Variants in CNBD1 observed in about 807,000 individuals in gnomAD.
The protein encoded by CNBD1 is cyclic nucleotide-binding domain-containing protein 1.
CNBD1 carries 71 observed loss-of-function variants against 54.4 expected under a neutral mutation model. The ratio of observed to expected loss-of-function variants is 1.30; its 90% CI spans 1.08 to 1.59. The LOEUF (loss-of-function observed/expected upper bound fraction) is 1.59. CNBD1 is among the 40% of genes most tolerant of loss of function. The probability of loss-of-function intolerance (pLI) is 0.00; values close to 1 mark genes in which losing one functional copy is unlikely to be tolerated. For synonymous variants in CNBD1, 182 were observed against 170.7 expected, an observed-to-expected ratio of 1.07 and a Z score of -0.51; for missense variants, 659 against 518.0, an observed-to-expected ratio of 1.27 and a Z score of -2.64.
At chr8:87,137,186 C>G (rs1292175741) in intron 4 of CNBD1, among the ~76,000 whole-genome samples, 1 of 136,710 alleles carries the variant, frequency 7.3e-6, no homozygotes, top group South Asian at 2.2e-4. Context: ...TATTTTTATT[C>G]TATATAAATT....
chr8:87,197,559 A>C (rs1413116582), intron 4 of CNBD1, among the ~76,000 whole-genome samples: 1 of 152,174 alleles, frequency 6.6e-6, no homozygotes, highest in Non-Finnish European at 1.5e-5. Flanking sequence ...GGGTGTTTCT[A>C]GCACTTCTGT....
At chr8:87,058,241 AC>A (rs1390832546) in intron 4 of CNBD1, among the ~76,000 whole-genome samples, 8 of 152,218 alleles carry the variant, frequency 5.3e-5, no homozygotes, top group African/African-American at 1.7e-4. Flanking sequence ...GGGCAGCTCC[AC>A]CCCTGTTGCT....
At chr8:87,378,130 T>G (rs1810990465) in intron 10 of CNBD1, among the ~76,000 whole-genome samples, 5 of 142,892 alleles carry the variant, frequency 3.5e-5, no homozygotes, top group African/African-American at 1.3e-4. Context: ...GGTAGTTTCT[T>G]TTGCTGTGCA....
At chr8:87,022,411 T>A (rs2453448) in intron 4 of CNBD1, among the ~76,000 whole-genome samples, 55,797 of 152,054 alleles carry the variant, frequency 0.37, 10,542 homozygotes, top group East Asian at 0.55. Flanking sequence ...CATGAAATAT[T>A]TAGCAGTCAT....
intron 4 of CNBD1, among the ~76,000 whole-genome samples, chr8:86,987,773 TC>T (rs1206937766): frequency 6.6e-6 from 1 of 152,198 alleles, no homozygotes; most frequent in Non-Finnish European, 1.5e-5. Flanking sequence ...TTCTTTTAAT[TC>T]TGTTTATGTT....
At chr8:87,073,863 A>G (rs1810809566) in intron 4 of CNBD1, among the ~76,000 whole-genome samples, 1 of 151,978 alleles carries the variant, frequency 6.6e-6, no homozygotes, top group African/African-American at 2.4e-5. Context: ...GCACTTTGGG[A>G]GGCTGAGGTG....
At chr8:86,925,503 G>GTGTA (rs1809343654) in intron 3 of CNBD1, among the ~76,000 whole-genome samples, 1 of 151,014 alleles carries the variant, frequency 6.6e-6, no homozygotes, top group African/African-American at 2.4e-5. Context: ...GTGTGTGTGT[G>GTGTA]TGTGTGTGTG....
rs566123866 is a variant in CNBD1, at chr8:87,426,362, A to T, written c.214-2184A>T. Among the ~76,000 whole-genome samples, 31 of 152,248 alleles carry T rather than the reference A, an allele frequency of 2.0e-4. 1 individual carries two copies. The highest frequency in any genetic ancestry group is 7.2e-4 in the African/African-American group (30 of 41,558). On this transcript the variant is annotated intron_variant, in intron 2 of 7. Coordinates refer to the CNBD1 transcript ENST00000521593. ...TCTTCCCTGTTTGCTTGATTTTCTA[A>T]ATTATTAAATGCAACATCATGATCG...
intron 8 of CNBD1, among the ~76,000 whole-genome samples, chr8:87,303,475 C>T (rs1809061878): frequency 6.6e-6 from 1 of 151,830 alleles, no homozygotes; most frequent in African/African-American, 2.4e-5. Flanking sequence ...ACACCTTATA[C>T]AAAAATTAAT....
rs531263112 is a variant in CNBD1, at chr8:87,176,877, T to C, written c.432-29116T>C. On this transcript the variant is annotated intron_variant, in intron 4 of 10. Transcript: ENST00000518476. Reference sequence around the variant, plus strand: ...TTATGAAAGTAAATCAAGATAACTATAAACAATAGTCATTTAAATAGAATA... The same window carrying C: ...TTATGAAAGTAAATCAAGATAACTACAAACAATAGTCATTTAAATAGAATA... 3.9e-5 allele frequency among the ~76,000 whole-genome samples: 6 copies of C among 152,306 alleles called. No individual in the cohort carries two copies. In the South Asian group the frequency reaches 1.0e-3, roughly 26 times the overall value.
Position 87,108,460 on chromosome 8 carries a change from T to A in CNBD1, c.432-97533T>A, listed in dbSNP as rs1034158524. ...AAAGTATACAAGTTACTAGGTCCAA[T>A]GTGGGAGATTATAAATTAGTGAATC... On this transcript the variant is annotated intron_variant, in intron 4 of 10. Coordinates refer to ENST00000518476, the MANE Select transcript of CNBD1 (RefSeq NM_173538.3). 6.0e-4 allele frequency among the ~76,000 whole-genome samples: 91 copies of A among 152,136 alleles called. 1 individual carries two copies. Among genetic ancestry groups the A allele is most frequent in the Non-Finnish European group, 1.1e-3 (77 of 68,006 alleles).
rs189921497 is a variant in CNBD1, at chr8:87,270,072, G to A, written c.772-14606G>A. On this transcript the variant is annotated intron_variant, in intron 6 of 10. Transcript: ENST00000518476. ...AAGTTAATTCACCACAATCAACTAG[G>A]CTTTTATTCCTGGGGTACAAGACTA... is the stretch of plus-strand genomic sequence containing the variant. Among the ~76,000 whole-genome samples, 178 of 152,010 alleles carry A rather than the reference G, an allele frequency of 1.2e-3. 1 individual carries two copies. Among genetic ancestry groups the A allele is most frequent in the South Asian group, 2.9e-3 (14 of 4,826 alleles).
At chr8:87,256,150 G>A (rs1234838977) in intron 6 of CNBD1, among the ~76,000 whole-genome samples, 2 of 148,334 alleles carry the variant, frequency 1.3e-5, no homozygotes, top group African/African-American at 2.5e-5. Flanking sequence ...AGCCTCCCCA[G>A]TGGCTGGGAT....
At chr8:87,159,785 A>G (rs912767310) in intron 4 of CNBD1, among the ~76,000 whole-genome samples, 1 of 152,126 alleles carries the variant, frequency 6.6e-6, no homozygotes, top group African/African-American at 2.4e-5. Flanking sequence ...TCTGCTTCCA[A>G]AATTGCTTGT....
At chr8:87,098,690 A>T (rs998833320) in intron 4 of CNBD1, among the ~76,000 whole-genome samples, 17 of 151,766 alleles carry the variant, frequency 1.1e-4, no homozygotes, top group Non-Finnish European at 1.0e-4. Context: ...CTGTTCATCA[A>T]CAAATGTATT....
rs532650657 is a variant in CNBD1, at chr8:86,866,422, G to A, written c.-74G>A. The A allele has an allele frequency of 9.6e-6, 10 of 1,040,756 alleles. No individual in the cohort carries two copies. The highest frequency in any genetic ancestry group is 6.0e-5 in the Admixed American group (3 of 50,124). 64.5% of individuals were successfully genotyped at this position (1,040,756 alleles called of 1,614,324 possible). ...AGAGGACCTTGAAGTTCTGCTTTAT[G>A]AGCCTGCAGGCAAAGAGTGATCATT... is the stretch of plus-strand genomic sequence containing the variant. On this transcript the variant is annotated 5_prime_UTR_variant, in exon 1 of 11. It removes an upstream start codon present in the reference 5' UTR. Coordinates refer to ENST00000518476, the MANE Select transcript of CNBD1 (RefSeq NM_173538.3).
At chr8:86,987,781 T>A (rs1265029791) in intron 4 of CNBD1, among the ~76,000 whole-genome samples, 2 of 152,346 alleles carry the variant, frequency 1.3e-5, no homozygotes, top group East Asian at 3.9e-4. Flanking sequence ...ATTCTGTTTA[T>A]GTTGTGAATC....
At chr8:87,287,504 T>C (rs897331219) in intron 8 of CNBD1, among the ~76,000 whole-genome samples, 4 of 152,198 alleles carry the variant, frequency 2.6e-5, no homozygotes, top group Non-Finnish European at 5.9e-5. Flanking sequence ...ACCCCAAGTC[T>C]GCAAAGCCAC....
rs1810250675 is a variant in CNBD1 at position 87,349,937 on chromosome 8, CTT to C, written c.1043-1747_1043-1746del. Among the ~76,000 whole-genome samples the C allele has an allele frequency of 2.0e-5, 3 of 152,284 alleles. No individual in the cohort carries two copies. In the East Asian group the frequency reaches 5.8e-4, roughly 29 times the overall value. Reference sequence around the variant, plus strand: ...TTATTCCTCTTTGTTGTTATATATACTTCTCTGTGACCTACATAGGGTTTGAC... The same window carrying C: ...TTATTCCTCTTTGTTGTTATATATACCTCTGTGACCTACATAGGGTTTGAC... On this transcript the variant is annotated intron_variant, in intron 8 of 10. Transcript: ENST00000518476.
Sources: allele counts gnomAD v4.1 joint callset (sites outside exome capture counted in the v4.1 genomes callset), GRCh38; gene constraint gnomAD v4.1.1; transcripts MANE v1.5; gene names NCBI Gene and HGNC (gene_info 2026-07-23, HGNC 2026-07-21).